NUP153: variants seen among roughly 807,000 people sequenced by gnomAD.
NUP153 encodes nuclear pore complex protein Nup153.
Under a neutral mutation model 134.6 loss-of-function variants are expected in NUP153, and 27 were observed. The ratio of observed to expected loss-of-function variants is 0.20; its 90% confidence interval spans 0.15 to 0.28. The LOEUF (loss-of-function observed/expected upper bound fraction) is 0.28, where lower values mean the gene tolerates loss of function less well. Ranked by LOEUF, NUP153 falls within the 10% of genes least tolerant of loss-of-function variation. NUP153 has a pLI of 1.00. For synonymous variants in NUP153, 640 were observed against 623.5 expected (o/e 1.03, Z -0.40); for missense variants, 1,821 against 1,731.3 (o/e 1.05, Z -0.92).
rs1205275171 is a variant in NUP153, at chr6:17,634,177, C to A, written c.2465-1333G>T. Among the ~76,000 whole-genome samples, 4 of 152,246 alleles carry A rather than the reference C, an allele frequency of 2.6e-5. No homozygotes were observed. The East Asian group carries it at 7.7e-4, about 29-fold the overall frequency. On this transcript the variant is annotated intron_variant, in intron 16 of 21. Coordinates refer to ENST00000262077, the MANE Select transcript of NUP153 (RefSeq NM_005124.4). ...CAGCTTTTTTATTGAGACCTCTGAT[C>A]CTGTTCCTTTGAAATCCATCTTCCT...
At chr6:17,618,600 C>G (rs578063642) in intron 20 of NUP153, among the ~76,000 whole-genome samples, 7 of 144,550 alleles carry the variant, frequency 4.8e-5, no homozygotes, top group African/African-American at 1.8e-4. Flanking sequence ...GAGTCTGGCT[C>G]TGTTGCCCAG....
At position 17,706,334 on chromosome 6, in the gene NUP153, C is replaced by G; in HGVS notation, c.54G>C (p.Thr18=). Residue 18 remains threonine (T), a synonymous_variant, in exon 1 of 22, where the codon ACG becomes ACC. Coordinates refer to ENST00000262077, the MANE Select transcript of NUP153 (RefSeq NM_005124.4). This position sits in a 1 kb window ranked among gnomAD's most constrained non-coding sequence, Gnocchi z 5.9. ...VGGGGGGKIR[T]RRCHQGPIKP... is the part of the protein sequence containing the mutation. ...TAATTGGCCCCTGGTGGCAACGCCG[C>G]GTCCGGATCTTGCCGCCACCGCCCC... 1 of 1,613,566 alleles carries G rather than the reference C, an allele frequency of 6.2e-7. No homozygotes were observed. The highest frequency in any genetic ancestry group is 8.5e-7 in the Non-Finnish European group (1 of 1,179,760).
chr6:17,666,732 T>C (rs1767554102), intron 8 of NUP153, among the ~76,000 whole-genome samples: 1 of 152,216 alleles, frequency 6.6e-6, no homozygotes, highest in Admixed American at 6.5e-5. Flanking sequence ...TAACAGTCCT[T>C]TGCTAAACTG....
In NUP153 at chr6:17,625,759, T is replaced by C. The variant is rs1208941227; in HGVS notation, c.3901+49A>G. 2.2e-6 allele frequency: 3 copies of C among 1,374,462 alleles called. No homozygotes were observed. Among genetic ancestry groups the C allele is most frequent in the Non-Finnish European group, 3.1e-6 (3 of 972,252 alleles). 85.1% of individuals were successfully genotyped at this position (1,374,462 alleles called of 1,614,324 possible). On this transcript the variant is annotated intron_variant, in intron 19 of 21. Coordinates refer to ENST00000262077, the MANE Select transcript of NUP153 (RefSeq NM_005124.4). The surrounding 1 kb of genome is among the most constrained non-coding windows in gnomAD (Gnocchi z 4.7). ...TATTCGCTAAGAACTGACACACTAA[T>C]AAGTAAAGTCCATCCAATTACAATG...
chr6:17,627,036 C>T (rs1390216275), intron 18 of NUP153, among the ~76,000 whole-genome samples: 2 of 152,212 alleles, frequency 1.3e-5, no homozygotes, highest in African/African-American at 4.8e-5. Flanking sequence ...GATTCTGAAT[C>T]CAGCCACCTT....
rs954792962 is a variant in NUP153 at position 17,615,351 on chromosome 6, C to T, written c.*746G>A. 1.3e-5 allele frequency: 2 copies of T among 151,856 alleles called. No homozygotes were observed. The highest frequency in any genetic ancestry group is 6.6e-5 in the Admixed American group (1 of 15,224). The allele number at this position is 151,856 out of a possible 1,614,324, so 9.4% of individuals were successfully genotyped here. ...ATCTGAGACAAGACTAAACAAACAA[C>T]AAAAAAATCTCTAACACAAAATTCA... On this transcript the variant is annotated 3_prime_UTR_variant, in exon 22 of 22. Transcript: ENST00000262077. This position sits in a 1 kb window ranked among gnomAD's most constrained non-coding sequence, Gnocchi z 5.7.
At chr6:17,705,158 AG>A (rs1223345171) in intron 1 of NUP153, among the ~76,000 whole-genome samples, 1 of 152,254 alleles carries the variant, frequency 6.6e-6, no homozygotes, top group East Asian at 1.9e-4. Flanking sequence ...AAAGTAATCT[AG>A]GAAGTCTACC....
chr6:17,653,466 A>C (rs2113804950), intron 11 of NUP153, among the ~76,000 whole-genome samples: 1 of 152,350 alleles, frequency 6.6e-6, no homozygotes, highest in African/African-American at 2.4e-5. Flanking sequence ...TACACTGCTA[A>C]GAGGGATATA....
chr6:17,694,564 G>A (rs1769512513), intron 1 of NUP153, among the ~76,000 whole-genome samples: 1 of 152,090 alleles, frequency 6.6e-6, no homozygotes, highest in East Asian at 1.9e-4. Context: ...GGCTGAGGGG[G>A]AAGAATCGCT....
intron 16 of NUP153, among the ~76,000 whole-genome samples, chr6:17,635,888 T>C (rs1765523024): frequency 6.6e-6 from 1 of 152,264 alleles, no homozygotes. Flanking sequence ...ATATGTGAGC[T>C]TCCTTTGTTC....
intron 5 of NUP153, among the ~76,000 whole-genome samples, chr6:17,673,627 C>T (rs1468201305): frequency 2.0e-5 from 3 of 152,082 alleles, no homozygotes; most frequent in Non-Finnish European, 4.4e-5. Flanking sequence ...TTAGTCATTA[C>T]GGAAGTACAA....
intron 16 of NUP153, among the ~76,000 whole-genome samples, chr6:17,635,773 T>C (rs1397991048): frequency 6.6e-6 from 1 of 152,234 alleles, no homozygotes; most frequent in Non-Finnish European, 1.5e-5. Flanking sequence ...AAATCCATTA[T>C]CTAAAAAGCC....
At chr6:17,699,297 C>T (rs1278440150) in intron 1 of NUP153, among the ~76,000 whole-genome samples, 2 of 150,526 alleles carry the variant, frequency 1.3e-5, no homozygotes, top group African/African-American at 4.9e-5. Flanking sequence ...GACTTCAAGA[C>T]CAGCCTGGCC....
intron 1 of NUP153, among the ~76,000 whole-genome samples, chr6:17,695,768 A>G (rs1345777351): frequency 2.0e-5 from 3 of 152,038 alleles, no homozygotes; most frequent in African/African-American, 7.2e-5. Context: ...CCAACACTTT[A>G]GGAGGCCAAG....
intron 14 of NUP153, among the ~76,000 whole-genome samples, chr6:17,640,651 T>C (rs1383280098): frequency 5.3e-5 from 8 of 152,212 alleles, no homozygotes; most frequent in East Asian, 1.9e-4. Context: ...GAGTGTCTTG[T>C]TGTCAGCAAG....
At chr6:17,618,774 GC>G (rs2113758557) in intron 20 of NUP153, among the ~76,000 whole-genome samples, 1 of 152,214 alleles carries the variant, frequency 6.6e-6, no homozygotes, top group South Asian at 2.1e-4. Context: ...CACCGTGTTA[GC>G]CAGGATGGTC....
chr6:17,654,589 C>T (rs150513300), intron 11 of NUP153, among the ~76,000 whole-genome samples: 6,200 of 151,920 alleles, frequency 0.041, 394 homozygotes, highest in East Asian at 0.29. Flanking sequence ...GAAAGTGCTG[C>T]GATTACAGGC....
intron 9 of NUP153, among the ~76,000 whole-genome samples, chr6:17,662,820 T>C (rs746788963): frequency 2.6e-5 from 4 of 152,072 alleles, no homozygotes; most frequent in Non-Finnish European, 4.4e-5. Context: ...GTAACTGAAA[T>C]CTAATCATGA....
At chr6:17,651,189 A>G (rs1766475716) in intron 11 of NUP153, among the ~76,000 whole-genome samples, 1 of 152,100 alleles carries the variant, frequency 6.6e-6, no homozygotes, top group Admixed American at 6.6e-5. Context: ...CTGTAGTCCC[A>G]GTACCTGGGA....
Sources: allele counts gnomAD v4.1 joint callset (sites outside exome capture counted in the v4.1 genomes callset), GRCh38; gene constraint gnomAD v4.1.1; non-coding constraint Gnocchi (gnomAD v3.1); transcripts MANE v1.5; gene names NCBI Gene and HGNC (gene_info 2026-07-23, HGNC 2026-07-21).